Variants in CAMKMT observed in about 807,000 individuals in gnomAD.
CAMKMT encodes CaM KMT.
A neutral mutation model predicts 48.0 loss-of-function variants in CAMKMT; 53 were observed. The observed-to-expected ratio is 1.10, with a 90% CI of 0.89 to 1.39. CAMKMT has a LOEUF of 1.39. Among genes scored for constraint, CAMKMT ranks in the 40% most tolerant of loss-of-function variants. The probability of loss-of-function intolerance (pLI) is 0.00; values close to 1 mark genes in which losing one functional copy is unlikely to be tolerated. For synonymous variants in CAMKMT, 165 were observed against 152.3 expected (o/e 1.08, Z -0.61); for missense variants, 428 against 402.7 (o/e 1.06, Z -0.54).
At chr2:44,663,878 A>T (rs1674814882) in intron 3 of CAMKMT, among the ~76,000 whole-genome samples, 1 of 152,166 alleles carries the variant, frequency 6.6e-6, no homozygotes, top group Non-Finnish European at 1.5e-5. Flanking sequence ...TTTAACACTT[A>T]CATTCTTGTG....
chr2:44,558,470 T>C (rs1279775491), intron 3 of CAMKMT, among the ~76,000 whole-genome samples: 1 of 152,186 alleles, frequency 6.6e-6, no homozygotes, highest in East Asian at 1.9e-4. Flanking sequence ...TGTTGTATCC[T>C]CAAAAGATAG....
intron 3 of CAMKMT, among the ~76,000 whole-genome samples, chr2:44,410,530 A>G (rs1051191701): frequency 6.6e-6 from 1 of 151,824 alleles, no homozygotes; most frequent in African/African-American, 2.4e-5. Context: ...TGCCAATGTA[A>G]AATGTGGGAG....
intron 7 of CAMKMT, among the ~76,000 whole-genome samples, chr2:44,730,379 C>T (rs908736247): frequency 7.9e-5 from 12 of 152,290 alleles, no homozygotes; most frequent in African/African-American, 1.9e-4. Flanking sequence ...ATAGGGCCAT[C>T]GGTAATTCTT....
chr2:44,478,994 C>A (rs889888898), intron 3 of CAMKMT, among the ~76,000 whole-genome samples: 3 of 152,106 alleles, frequency 2.0e-5, no homozygotes, highest in Admixed American at 6.5e-5. Flanking sequence ...CCACCGCGCC[C>A]GGCAATTGCT....
intron 3 of CAMKMT, among the ~76,000 whole-genome samples, chr2:44,573,966 G>C (rs1014808256): frequency 1.6e-4 from 25 of 152,076 alleles, no homozygotes; most frequent in Admixed American, 6.5e-4. Flanking sequence ...TTCTGATAGG[G>C]CAGGTCCCTT....
chr2:44,421,634 C>T (rs1049748222), intron 3 of CAMKMT, among the ~76,000 whole-genome samples: 7 of 152,068 alleles, frequency 4.6e-5, no homozygotes, highest in African/African-American at 1.7e-4. Context: ...ATATTCATAA[C>T]AGGCTTATAG....
At chr2:44,756,801 T>C (rs948836200) in intron 9 of CAMKMT, among the ~76,000 whole-genome samples, 1 of 151,186 alleles carries the variant, frequency 6.6e-6, no homozygotes, top group Non-Finnish European at 1.5e-5. Flanking sequence ...AGGGGCTACA[T>C]GGTGGATCCT....
chr2:44,414,117 A>G (rs959046166), intron 3 of CAMKMT, among the ~76,000 whole-genome samples: 4 of 152,074 alleles, frequency 2.6e-5, no homozygotes, highest in African/African-American at 9.7e-5. Context: ...ATCTCTGGCA[A>G]CTCTATTGTA....
At chr2:44,589,341 G>A (rs1348427567) in intron 3 of CAMKMT, among the ~76,000 whole-genome samples, 96 of 48,892 alleles carry the variant, frequency 2.0e-3, no homozygotes, top group South Asian at 3.1e-3. Context: ...CTACTGGGAA[G>A]TGAGGAGCCC....
chr2:44,718,076 A>G (rs916765206), intron 7 of CAMKMT, among the ~76,000 whole-genome samples: 4 of 152,170 alleles, frequency 2.6e-5, no homozygotes, highest in Admixed American at 6.5e-5. Flanking sequence ...ACAGAAATAT[A>G]TGACCATGTG....
At chr2:44,768,982 T>C (rs567583439) in intron 10 of CAMKMT, among the ~76,000 whole-genome samples, 10 of 152,134 alleles carry the variant, frequency 6.6e-5, no homozygotes, top group Admixed American at 5.2e-4. Flanking sequence ...GTTACACAAA[T>C]GGTCGTGAAG....
chr2:44,526,184 C>T (rs1412639352), intron 3 of CAMKMT, among the ~76,000 whole-genome samples: 2 of 152,110 alleles, frequency 1.3e-5, no homozygotes, highest in Non-Finnish European at 2.9e-5. Flanking sequence ...ATGCCTCTTT[C>T]CCAAGATTTC....
At chr2:44,583,124 T>C (rs1572852489) in intron 3 of CAMKMT, among the ~76,000 whole-genome samples, 1 of 152,194 alleles carries the variant, frequency 6.6e-6, no homozygotes, top group East Asian at 1.9e-4. Context: ...ATTTTAGTAT[T>C]TCCTGCATTG....
At chr2:44,685,285 A>C (rs979002332) in intron 3 of CAMKMT, among the ~76,000 whole-genome samples, 3 of 152,196 alleles carry the variant, frequency 2.0e-5, no homozygotes, top group Non-Finnish European at 4.4e-5. Flanking sequence ...AACAGACGTG[A>C]GGATGAAAGT....
At chr2:44,427,077 A>G (rs1457159518) in intron 3 of CAMKMT, among the ~76,000 whole-genome samples, 1 of 152,238 alleles carries the variant, frequency 6.6e-6, no homozygotes, top group Non-Finnish European at 1.5e-5. Flanking sequence ...TACCCTATTC[A>G]ATAAATGGTG....
Position 44,384,744 on chromosome 2 carries a change from TC to T in CAMKMT, c.312-5492del, listed in dbSNP as rs1310706256. 2.6e-5 allele frequency among the ~76,000 whole-genome samples: 4 copies of T among 152,218 alleles called. No homozygotes were observed. In the East Asian group the frequency reaches 7.7e-4, roughly 29 times the overall value. Reference sequence around the variant, plus strand: ...ACCATTTGTTGAAAAGGGTGTCCTTTCCCCCACTTTTTGTTTTGTTTACTTT... The same window carrying T: ...ACCATTTGTTGAAAAGGGTGTCCTTTCCCCACTTTTTGTTTTGTTTACTTT... On this transcript the variant is annotated intron_variant, in intron 2 of 10. Coordinates refer to ENST00000378494, the MANE Select transcript of CAMKMT (RefSeq NM_024766.5).
At chr2:44,754,753 G>T (rs1027832952) in intron 9 of CAMKMT, among the ~76,000 whole-genome samples, 2 of 151,720 alleles carry the variant, frequency 1.3e-5, no homozygotes, top group Non-Finnish European at 2.9e-5. Flanking sequence ...CTCTTATTTT[G>T]TTGGACTGTT....
chr2:44,712,905 G>C (rs1251325761), intron 6 of CAMKMT, among the ~76,000 whole-genome samples: 3 of 152,002 alleles, frequency 2.0e-5, no homozygotes, highest in African/African-American at 4.8e-5. Flanking sequence ...GTAAGGGGTG[G>C]GGAGCAGGAT....
chr2:44,554,828 A>G (rs1338735805), intron 3 of CAMKMT, among the ~76,000 whole-genome samples: 12 of 152,290 alleles, frequency 7.9e-5, no homozygotes, highest in Non-Finnish European at 4.4e-5. Context: ...GTGAACCATG[A>G]TCATACCCTG....
Sources: gnomAD v4.1 joint callset for allele counts (sites outside exome capture counted in the v4.1 genomes callset) on GRCh38, gnomAD v4.1.1 for gene constraint, MANE v1.5 for transcripts, NCBI Gene and HGNC (gene_info 2026-07-23, HGNC 2026-07-21) for gene names.